Variants in GABRG3 observed in about 807,000 individuals in gnomAD.
GABRG3 encodes the protein gamma-aminobutyric acid type A receptor subunit gamma3, also known as gamma-aminobutyric acid receptor subunit gamma-3.
In GABRG3, 25 loss-of-function variants were observed where a neutral mutation model predicts 48.8. The observed-to-expected ratio is 0.51, with a 90% CI of 0.37 to 0.72. GABRG3 has a LOEUF of 0.72. Ranked by LOEUF, GABRG3 falls within the 30% of genes least tolerant of loss-of-function variation. The probability of loss-of-function intolerance (pLI) is 0.00; values close to 1 mark genes in which losing one functional copy is unlikely to be tolerated. For missense variants in GABRG3, 394 were observed against 577.9 expected, an observed-to-expected ratio of 0.68 and a Z score of 3.26; for synonymous variants, 227 against 217.6, an observed-to-expected ratio of 1.04 and a Z score of -0.38.
chr15:27,381,292 C>T (rs564279232), intron 5 of GABRG3, among the ~76,000 whole-genome samples: 16 of 152,330 alleles, frequency 1.1e-4, no homozygotes, highest in Middle Eastern at 3.4e-3. Context: ...TCGTTAAGAA[C>T]AGAATGCTCT....
At chr15:27,249,921 AG>A (rs1890400723) in intron 3 of GABRG3, among the ~76,000 whole-genome samples, 1 of 152,272 alleles carries the variant, frequency 6.6e-6, no homozygotes, top group South Asian at 2.1e-4. Context: ...TTGGGTGTGC[AG>A]GGGCAGGAAA....
At chr15:27,353,641 G>A (rs1444206272) in intron 5 of GABRG3, among the ~76,000 whole-genome samples, 2 of 151,770 alleles carry the variant, frequency 1.3e-5, no homozygotes, top group African/African-American at 4.8e-5. Context: ...ATAGGGTTTT[G>A]CCGTGTTGGC....
chr15:27,209,347 T>TTTCCTTCCTTCC (rs199748762), intron 3 of GABRG3, among the ~76,000 whole-genome samples: 8 of 151,306 alleles, frequency 5.3e-5, no homozygotes, highest in African/African-American at 1.7e-4. Flanking sequence ...TCTTTCTTTC[T>TTTCCTTCCTTCC]TTCCTTCCTT....
rs747161871 is a variant in GABRG3 at position 27,361,485 on chromosome 15, G to A, written c.574+32597G>A. Among the ~76,000 whole-genome samples the A allele has an allele frequency of 1.4e-3, 220 of 152,308 alleles. 2 individuals are homozygous for A. The highest frequency in any genetic ancestry group is 2.4e-3 in the Non-Finnish European group (164 of 68,030). On this transcript the variant is annotated intron_variant, in intron 5 of 9. Transcript: ENST00000615808. ...TCCAGAGGACAGCATGAAAGGAATA[G>A]TATTATTTTCCTGGGTAAACGTCCC...
At chr15:27,034,249 A>C (rs1896137686) in intron 3 of GABRG3, among the ~76,000 whole-genome samples, 1 of 152,184 alleles carries the variant, frequency 6.6e-6, no homozygotes, top group Non-Finnish European at 1.5e-5. Context: ...CTGCAGAGTT[A>C]GAGAATAGTC....
intron 3 of GABRG3, among the ~76,000 whole-genome samples, chr15:27,171,413 TCATTGAGTCACTA>T (rs1365726774): frequency 2.0e-5 from 3 of 151,926 alleles, no homozygotes; most frequent in Admixed American, 6.6e-5. Context: ...ATAGATGCCC[TCATTGAGTCACTA>T]CATTGAGTCA....
At chr15:26,993,677 G>A (rs1895287939) in intron 2 of GABRG3, among the ~76,000 whole-genome samples, 1 of 151,986 alleles carries the variant, frequency 6.6e-6, no homozygotes, top group South Asian at 2.1e-4. Flanking sequence ...GTTTTCTGCA[G>A]CCCTTGAATG....
intron 3 of GABRG3, among the ~76,000 whole-genome samples, chr15:27,306,796 C>G (rs1892519189): frequency 2.4e-5 from 1 of 42,140 alleles, no homozygotes; most frequent in Admixed American, 2.5e-4. Flanking sequence ...TATATATAAA[C>G]ATACAATATA....
intron 5 of GABRG3, among the ~76,000 whole-genome samples, chr15:27,479,302 G>A (rs1595782402): frequency 6.6e-6 from 1 of 152,262 alleles, no homozygotes; most frequent in South Asian, 2.1e-4. Context: ...GCCAAGGACA[G>A]TGTTTGATTC....
intron 3 of GABRG3, among the ~76,000 whole-genome samples, chr15:27,299,675 A>G (rs1892127798): frequency 1.3e-5 from 2 of 152,106 alleles, no homozygotes; most frequent in South Asian, 2.1e-4. Flanking sequence ...CTGCATCTGG[A>G]GCCCAGAAAC....
At chr15:27,003,015 C>A (rs1398307626) in intron 2 of GABRG3, among the ~76,000 whole-genome samples, 10 of 151,416 alleles carry the variant, frequency 6.6e-5, no homozygotes, top group Admixed American at 6.6e-4. Context: ...AAACAAAAAC[C>A]ATATGCCCCT....
At chr15:27,082,018 T>C (rs1897000854) in intron 3 of GABRG3, among the ~76,000 whole-genome samples, 1 of 152,138 alleles carries the variant, frequency 6.6e-6, no homozygotes, top group African/African-American at 2.4e-5. Context: ...GGTGAATGTT[T>C]AGTAGTGAAG....
At chr15:27,274,331 T>C (rs1409622147) in intron 3 of GABRG3, among the ~76,000 whole-genome samples, 1 of 152,188 alleles carries the variant, frequency 6.6e-6, no homozygotes, top group Admixed American at 6.5e-5. Flanking sequence ...GAAAAGAGGC[T>C]TGTTGAGCTT....
At chr15:27,165,827 G>A (rs1887352437) in intron 3 of GABRG3, among the ~76,000 whole-genome samples, 2 of 152,172 alleles carry the variant, frequency 1.3e-5, no homozygotes, top group South Asian at 4.1e-4. Context: ...TGTCATACCT[G>A]TCGCAAAGGA....
chr15:27,127,846 C>T (rs1353628223), intron 3 of GABRG3, among the ~76,000 whole-genome samples: 3 of 152,124 alleles, frequency 2.0e-5, no homozygotes, highest in Non-Finnish European at 4.4e-5. Flanking sequence ...AGCACACAGT[C>T]GGCAGTAAGA....
At chr15:27,481,013 A>G (rs1043712854) in intron 6 of GABRG3, 7 of 1,367,550 alleles carry the variant, frequency 5.1e-6, no homozygotes, top group Non-Finnish European at 6.6e-6. Context: ...TGTTTGCATA[A>G]TGTCTATAAA....
intron 3 of GABRG3, among the ~76,000 whole-genome samples, chr15:27,296,733 C>T (rs1025324175): frequency 2.0e-5 from 3 of 151,912 alleles, no homozygotes; most frequent in East Asian, 1.9e-4. Context: ...AAGTATAGCT[C>T]GGGCAATTAT....
intron 3 of GABRG3, among the ~76,000 whole-genome samples, chr15:27,189,470 A>G (rs1295238062): frequency 1.3e-5 from 2 of 151,978 alleles, no homozygotes; most frequent in African/African-American, 2.4e-5. Context: ...ATTCCTAGGT[A>G]TTTTATTCTC....
chr15:27,045,041 C>T lies in GABRG3; in HGVS notation c.270+18220C>T, dbSNP rs147943735. ...AAAAAGTAATCTTAAATTGGAATACCCATAAAATAAAGCCTAGAAGATGCA... is the reference window on the plus strand; with the variant it reads ...AAAAAGTAATCTTAAATTGGAATACTCATAAAATAAAGCCTAGAAGATGCA... On this transcript the variant is annotated intron_variant, in intron 3 of 9. Coordinates refer to ENST00000615808, the MANE Select transcript of GABRG3 (RefSeq NM_033223.5). 8.6e-3 allele frequency among the ~76,000 whole-genome samples: 1,315 copies of T among 152,240 alleles called. 20 individuals carry two copies. Among genetic ancestry groups the T allele is most frequent in the African/African-American group, 0.03 (1,231 of 41,538 alleles).
Sources: gnomAD v4.1 joint callset for allele counts (sites outside exome capture counted in the v4.1 genomes callset) on GRCh38, gnomAD v4.1.1 for gene constraint, MANE v1.5 for transcripts, NCBI Gene and HGNC (gene_info 2026-07-23, HGNC 2026-07-21) for gene names.